The following SLC24A2 variants were observed in gnomAD, a reference collection of about 807,000 sequenced individuals.
The protein encoded by SLC24A2 is sodium/potassium/calcium exchanger 2.
A neutral mutation model predicts 62.0 loss-of-function variants in SLC24A2; 36 were observed. The ratio of observed to expected loss-of-function variants is 0.58; its 90% CI spans 0.44 to 0.77. The LOEUF (loss-of-function observed/expected upper bound fraction) is 0.77, where lower values mean the gene tolerates loss of function less well. Ranked by LOEUF, SLC24A2 falls within the 30% of genes least tolerant of loss-of-function variation. The pLI is 0.00. For synonymous variants in SLC24A2, 358 were observed against 294.0 expected (o/e 1.22, Z -2.23); for missense variants, 846 against 817.9 (o/e 1.03, Z -0.42).
At chr9:19,733,036 G>T (rs916921626) in intron 2 of SLC24A2, among the ~76,000 whole-genome samples, 22 of 151,666 alleles carry the variant, frequency 1.5e-4, no homozygotes, top group Admixed American at 3.3e-4. Context: ...ATGATACTAT[G>T]AAGTCACATA....
At chr9:19,676,134 G>A (rs200502471) in intron 2 of SLC24A2, among the ~76,000 whole-genome samples, 55 of 152,278 alleles carry the variant, frequency 3.6e-4, no homozygotes, top group African/African-American at 1.2e-3. Context: ...CTTGTGATCT[G>A]GACCTTCAGG....
chr9:19,966,544 C>T, the SLC24A2 span, among the ~76,000 whole-genome samples: 1 of 152,148 alleles, frequency 6.6e-6, no homozygotes. Context: ...ATAATACAAT[C>T]AACTCTAGAC....
At chr9:19,531,187 T>A (rs1224916151) in intron 8 of SLC24A2, among the ~76,000 whole-genome samples, 1 of 152,234 alleles carries the variant, frequency 6.6e-6, no homozygotes, top group East Asian at 1.9e-4. Context: ...GTTTCCTAAC[T>A]GTTGAACTAC....
chr9:20,152,806 T>C, the SLC24A2 span, among the ~76,000 whole-genome samples: 1 of 151,852 alleles, frequency 6.6e-6, no homozygotes, highest in Non-Finnish European at 1.5e-5. Context: ...TTTTGAAAGC[T>C]GGATTGGGTG....
intron 10 of SLC24A2, among the ~76,000 whole-genome samples, chr9:19,519,827 G>A (rs190730600): frequency 8.5e-4 from 130 of 152,358 alleles, no homozygotes; most frequent in African/African-American, 3.0e-3. Context: ...GAGCTCTTCA[G>A]TGGGGGCTCA....
the SLC24A2 span, among the ~76,000 whole-genome samples, chr9:20,086,303 C>T: frequency 2.2e-4 from 33 of 152,104 alleles, no homozygotes; most frequent in Non-Finnish European, 3.5e-4. Flanking sequence ...CCACATGGCC[C>T]GTATTTCCAG....
the SLC24A2 span, among the ~76,000 whole-genome samples, chr9:20,109,768 T>C: frequency 2.6e-5 from 4 of 152,148 alleles, no homozygotes; most frequent in Admixed American, 2.6e-4. Flanking sequence ...TGCTGAGTCC[T>C]GAGAGTCCTC....
the SLC24A2 span, among the ~76,000 whole-genome samples, chr9:20,116,287 G>C: frequency 6.6e-6 from 1 of 152,200 alleles, no homozygotes; most frequent in South Asian, 2.1e-4. Flanking sequence ...AGCTTTTGCT[G>C]TCTGCTTAGG....
the SLC24A2 span, among the ~76,000 whole-genome samples, chr9:19,826,785 C>A: frequency 5.9e-5 from 9 of 152,090 alleles, no homozygotes; most frequent in African/African-American, 2.2e-4. Context: ...GATTTAGTTT[C>A]AACGTGATTT....
the SLC24A2 span, among the ~76,000 whole-genome samples, chr9:20,260,849 C>CT: frequency 0.016 from 1,482 of 90,276 alleles, 36 homozygotes; most frequent in African/African-American, 0.054. Flanking sequence ...ATCATTCTTT[C>CT]TTTTTTTTTT....
the SLC24A2 span, among the ~76,000 whole-genome samples, chr9:20,300,941 GCATAATCCAAGTACAA>G: frequency 3.0e-4 from 45 of 152,266 alleles, no homozygotes; most frequent in African/African-American, 1.0e-3. Flanking sequence ...ACACATTAAG[GCATAATCCAAGTACAA>G]CATACACACA....
chr9:20,028,673 A>G, the SLC24A2 span, among the ~76,000 whole-genome samples: 4 of 152,162 alleles, frequency 2.6e-5, no homozygotes, highest in Non-Finnish European at 5.9e-5. Context: ...GGCTTACTAG[A>G]AAGCTCCCCA....
the SLC24A2 span, among the ~76,000 whole-genome samples, chr9:19,976,919 T>C: frequency 6.6e-6 from 1 of 152,142 alleles, no homozygotes; most frequent in Non-Finnish European, 1.5e-5. Context: ...CAATAAATGT[T>C]TGTGAAAATG....
intron 2 of SLC24A2, among the ~76,000 whole-genome samples, chr9:19,762,263 G>C (rs1361364909): frequency 2.6e-5 from 4 of 152,164 alleles, no homozygotes; most frequent in African/African-American, 7.2e-5. Flanking sequence ...TAGGTTGCCT[G>C]TTCACACCGA....
At chr9:20,052,302 A>G in the SLC24A2 span, among the ~76,000 whole-genome samples, 1 of 152,098 alleles carries the variant, frequency 6.6e-6, no homozygotes, top group South Asian at 2.1e-4. Flanking sequence ...TTCTCCCCCA[A>G]CTAAGATGGA....
the SLC24A2 span, among the ~76,000 whole-genome samples, chr9:19,893,922 G>A: frequency 1.3e-5 from 2 of 152,162 alleles, no homozygotes; most frequent in Non-Finnish European, 2.9e-5. Context: ...CTCTCTAGTA[G>A]GAGGAAACAA....
the SLC24A2 span, among the ~76,000 whole-genome samples, chr9:19,844,739 T>C: frequency 0.021 from 3,238 of 152,240 alleles, 122 homozygotes; most frequent in African/African-American, 0.073. Context: ...TGCGTAAGGC[T>C]AACCAGCTAT....
chr9:20,018,309 A>G, the SLC24A2 span, among the ~76,000 whole-genome samples: 1 of 152,194 alleles, frequency 6.6e-6, no homozygotes. Context: ...GAGTGATTGC[A>G]ATTTTATAAA....
the SLC24A2 span, among the ~76,000 whole-genome samples, chr9:20,008,197 C>T: frequency 6.6e-6 from 1 of 151,958 alleles, no homozygotes; most frequent in Admixed American, 6.6e-5. Context: ...CGCCTGGCCC[C>T]TCTTCCCTCT....
Sources: allele counts gnomAD v4.1 joint callset (sites outside exome capture counted in the v4.1 genomes callset), GRCh38; gene constraint gnomAD v4.1.1; transcripts MANE v1.5; gene names NCBI Gene and HGNC (gene_info 2026-07-23, HGNC 2026-07-21).